The following M1AP variants were observed in gnomAD, a reference collection of about 807,000 sequenced individuals.
M1AP encodes the protein meiosis 1 arrest protein.
Under a neutral mutation model 51.2 loss-of-function variants are expected in M1AP, and 39 were observed. The observed-to-expected ratio is 0.76, with a 90% CI of 0.59 to 1.00. The LOEUF (loss-of-function observed/expected upper bound fraction) is 1.00. M1AP is among the 50% of genes least tolerant of loss of function. The pLI, the probability that M1AP is intolerant of heterozygous loss-of-function variation, is 0.00. For missense variants in M1AP, 545 were observed against 641.2 expected (o/e 0.85, Z 1.62); for synonymous variants, 251 against 249.2 (o/e 1.01, Z -0.07).
intron 4 of M1AP, among the ~76,000 whole-genome samples, chr2:74,605,864 G>T (rs574587699): frequency 6.6e-6 from 1 of 150,636 alleles, no homozygotes; most frequent in African/African-American, 2.5e-5. Flanking sequence ...TCGCGCCACC[G>T]CACTCCAGCC....
At chr2:74,575,919 A>G (rs1490382364) in intron 6 of M1AP, among the ~76,000 whole-genome samples, 1 of 152,170 alleles carries the variant, frequency 6.6e-6, no homozygotes, top group East Asian at 1.9e-4. Context: ...CAGTGGTTCA[A>G]TTAACTCACT....
intron 4 of M1AP, among the ~76,000 whole-genome samples, chr2:74,606,748 TA>T (rs1681031343): frequency 6.6e-6 from 1 of 152,102 alleles, no homozygotes; most frequent in South Asian, 2.1e-4. Context: ...AAATGATTAT[TA>T]AAAAATTCAA....
intron 9 of M1AP, 51 bp from the exon 10 acceptor site, chr2:74,559,760 C>A: frequency 1.4e-6 from 1 of 717,308 alleles, no homozygotes; most frequent in South Asian, 1.5e-5. Context: ...ATCATAAAAC[C>A]TGGCAAATGA....
intron 4 of M1AP, among the ~76,000 whole-genome samples, chr2:74,601,080 T>C (rs1680646778): frequency 6.6e-6 from 1 of 152,170 alleles, no homozygotes; most frequent in East Asian, 1.9e-4. Flanking sequence ...GCTATTATTT[T>C]ACAAATGAGC....
At chr2:74,588,177 G>A (rs1414705135) in intron 4 of M1AP, among the ~76,000 whole-genome samples, 1 of 152,168 alleles carries the variant, frequency 6.6e-6, no homozygotes, top group African/African-American at 2.4e-5. Flanking sequence ...GCCTGTACTT[G>A]GGTGTCATGG....
intron 7 of M1AP, among the ~76,000 whole-genome samples, chr2:74,574,886 T>C (rs914789976): frequency 3.9e-5 from 6 of 152,364 alleles, no homozygotes; most frequent in Middle Eastern, 3.4e-3. Context: ...ACTTATCTTG[T>C]AGGTCTTAGT....
intron 2 of M1AP, among the ~76,000 whole-genome samples, chr2:74,633,932 T>C (rs920982524): frequency 6.6e-6 from 1 of 152,180 alleles, no homozygotes; most frequent in African/African-American, 2.4e-5. Flanking sequence ...GAGTGTGCCA[T>C]CTATCTGTTT....
chr2:74,640,922 T>G (rs951286117), intron 1 of M1AP, among the ~76,000 whole-genome samples: 1 of 152,254 alleles, frequency 6.6e-6, no homozygotes, highest in African/African-American at 2.4e-5. Context: ...GTTTCTTTAT[T>G]GGCATTTATT....
chr2:74,645,616 C>T (rs1228817680), intron 1 of M1AP, among the ~76,000 whole-genome samples: 1 of 152,108 alleles, frequency 6.6e-6, no homozygotes, highest in Non-Finnish European at 1.5e-5. Context: ...GACTCTATGA[C>T]CTGGAAGTTA....
At chr2:74,614,187 T>C (rs967465614) in intron 3 of M1AP, among the ~76,000 whole-genome samples, 11 of 152,232 alleles carry the variant, frequency 7.2e-5, no homozygotes, top group African/African-American at 2.7e-4. Context: ...TGTTCCAGTA[T>C]GTTGTGATTC....
intron 4 of M1AP, among the ~76,000 whole-genome samples, chr2:74,600,124 G>A (rs1010243036): frequency 5.9e-5 from 9 of 152,118 alleles, no homozygotes; most frequent in African/African-American, 2.2e-4. Flanking sequence ...AGTTAAGCAT[G>A]GGGCCATTGG....
chr2:74,583,487 G>C (rs1573094864), intron 4 of M1AP, among the ~76,000 whole-genome samples: 2 of 152,184 alleles, frequency 1.3e-5, no homozygotes, highest in Admixed American at 1.3e-4. Flanking sequence ...ATTGGGGCCT[G>C]GGTCTGCAGG....
intron 4 of M1AP, among the ~76,000 whole-genome samples, chr2:74,602,275 A>G (rs1680721314): frequency 6.6e-6 from 1 of 152,100 alleles, no homozygotes; most frequent in Non-Finnish European, 1.5e-5. Flanking sequence ...TGCCAAGTGG[A>G]GTGATAATCG....
At chr2:74,600,213 C>A (rs557923994) in intron 4 of M1AP, among the ~76,000 whole-genome samples, 1 of 151,988 alleles carries the variant, frequency 6.6e-6, no homozygotes, top group Non-Finnish European at 1.5e-5. Context: ...AGAAAATATG[C>A]CTTAGTTTTT....
chr2:74,598,368 C>A (rs925810037), intron 4 of M1AP, among the ~76,000 whole-genome samples: 1 of 146,602 alleles, frequency 6.8e-6, no homozygotes, highest in Non-Finnish European at 1.5e-5. Flanking sequence ...GGTGACAGAT[C>A]GAGACTCCAT....
At chr2:74,563,348 C>A (rs1321675841) in intron 7 of M1AP, among the ~76,000 whole-genome samples, 1 of 152,084 alleles carries the variant, frequency 6.6e-6, no homozygotes, top group Non-Finnish European at 1.5e-5. Flanking sequence ...ACCTGTAATC[C>A]AGCACTTTGG....
At chr2:74,577,402 C>A (rs1446094460) in intron 5 of M1AP, among the ~76,000 whole-genome samples, 1 of 152,174 alleles carries the variant, frequency 6.6e-6, no homozygotes, top group African/African-American at 2.4e-5. Flanking sequence ...AGCTTAAATC[C>A]TTGATATTAC....
chr2:74,584,847 A>G (rs1176191745), intron 4 of M1AP, among the ~76,000 whole-genome samples: 4 of 144,106 alleles, frequency 2.8e-5, no homozygotes, highest in Non-Finnish European at 6.1e-5. Context: ...TTATTTTTTT[A>G]TTTTATTTTT....
At position 74,635,023 on chromosome 2, in the gene M1AP, T is replaced by C. The variant is rs373762133; in HGVS notation, c.240+5013A>G. Among the ~76,000 whole-genome samples, 15 of 152,308 alleles carry C rather than the reference T, an allele frequency of 9.8e-5. No individual in the cohort carries two copies. The South Asian group carries it at 1.9e-3, about 19-fold the overall frequency. ...TAAAATGAGTTTGGAAGTATTTCCTTCTTTTATATTTTCTGAAAGAGATTA... is the reference window on the plus strand; with the variant it reads ...TAAAATGAGTTTGGAAGTATTTCCTCCTTTTATATTTTCTGAAAGAGATTA... On this transcript the variant is annotated intron_variant, in intron 2 of 10. Transcript: ENST00000421985.
Sources: allele counts gnomAD v4.1 joint callset (sites outside exome capture counted in the v4.1 genomes callset), GRCh38; gene constraint gnomAD v4.1.1; transcripts MANE v1.5; gene names NCBI Gene and HGNC (gene_info 2026-07-23, HGNC 2026-07-21).